The following KIF9 variants were observed in gnomAD, a reference collection of about 807,000 sequenced individuals.
KIF9 encodes the protein kinesin-like protein KIF9.
In KIF9, 68 loss-of-function variants were observed where a neutral mutation model predicts 94.8. That is an observed-to-expected ratio of 0.72 (90% CI 0.59 to 0.88). The LOEUF is 0.88. KIF9 is among the 40% of genes least tolerant of loss of function. KIF9 has a pLI of 0.00. For missense variants in KIF9, 882 were observed against 982.5 expected, an observed-to-expected ratio of 0.90 and a Z score of 1.37; for synonymous variants, 343 against 362.1, an observed-to-expected ratio of 0.95 and a Z score of 0.60.
chr3:47,229,432 C>A (rs970925155), intron 20 of KIF9, among the ~76,000 whole-genome samples: 6 of 152,168 alleles, frequency 3.9e-5, no homozygotes, highest in Non-Finnish European at 5.9e-5. Flanking sequence ...AATACACACA[C>A]AAACACACAC....
rs1698331318 is a variant in KIF9, at chr3:47,228,721, G to C, written c.2323-19C>G. The C allele has an allele frequency of 6.2e-7, 1 of 1,610,048 alleles. No homozygotes were observed. Among genetic ancestry groups the C allele is most frequent in the African/African-American group, 1.3e-5 (1 of 74,858 alleles). On this transcript the variant is annotated intron_variant, in intron 20 of 20. Transcript: ENST00000684063. ...AATTATGCTGGACACAGAGGGAAGA[G>C]AAAACAGGAACTTATTAGGAGGGAC...
At chr3:47,241,832 C>T (rs1203057388) in intron 16 of KIF9, among the ~76,000 whole-genome samples, 9 of 138,074 alleles carry the variant, frequency 6.5e-5, no homozygotes, top group Non-Finnish European at 1.2e-4. Flanking sequence ...TATACACACA[C>T]ACATATATAA....
rs554845684 is a variant in KIF9, at chr3:47,262,213, A to G, written c.981+2073T>C. Among the ~76,000 whole-genome samples, 26 of 151,754 alleles carry G rather than the reference A, an allele frequency of 1.7e-4. No individual in the cohort carries two copies. In the South Asian group the frequency reaches 5.0e-3, roughly 29 times the overall value. On this transcript the variant is annotated intron_variant, in intron 9 of 20. Coordinates refer to ENST00000684063, the MANE Select transcript of KIF9 (RefSeq NM_182902.4). ...GTCTTGGAGGGCATCTTTGTTAACA[A>G]GGCAGCCAGGAGGCCCATTTCTTAT...
At chr3:47,275,637 C>T in intron 2 of KIF9, 147 bp from the exon 3 acceptor site, 1 of 633,984 alleles carries the variant, frequency 1.6e-6, no homozygotes, top group Non-Finnish European at 2.7e-6. Context: ...GGCTGATATT[C>T]CAGATGAATT....
At chr3:47,239,846 C>A in intron 17 of KIF9, 1 of 1,367,844 alleles carries the variant, frequency 7.3e-7, no homozygotes, top group African/African-American at 1.5e-5. Flanking sequence ...GGAGATCACT[C>A]ATGGAAGCTG....
Position 47,265,717 on chromosome 3 carries a change from T to G in KIF9, c.916+13A>C. Reference sequence around the variant, plus strand: ...CAGACCCTCCTCCCTGGGCAGCAACTGTACCCCCTCACCTAACGAGTCCTT... The same window carrying G: ...CAGACCCTCCTCCCTGGGCAGCAACGGTACCCCCTCACCTAACGAGTCCTT... On this transcript the variant is annotated intron_variant, in intron 8 of 20. Transcript: ENST00000684063. 1.2e-6 allele frequency: 2 copies of G among 1,613,362 alleles called. No individual in the cohort carries two copies. Among genetic ancestry groups the G allele is most frequent in the Middle Eastern group, 1.7e-4 (1 of 6,044 alleles).
At chr3:47,260,796 A>G (rs140571469) in intron 9 of KIF9, among the ~76,000 whole-genome samples, 149 of 152,324 alleles carry the variant, frequency 9.8e-4, no homozygotes, top group African/African-American at 3.4e-3. Flanking sequence ...AACCCATCCT[A>G]GTGCCTGGGT....
At chr3:47,240,146 G>A in intron 17 of KIF9, 1 of 312,296 alleles carries the variant, frequency 3.2e-6, no homozygotes, top group Non-Finnish European at 6.3e-6. Flanking sequence ...CAGTGCAGGT[G>A]TGGGCGGCGC....
At chr3:47,241,906 A>G (rs931669690) in intron 16 of KIF9, among the ~76,000 whole-genome samples, 6 of 133,006 alleles carry the variant, frequency 4.5e-5, no homozygotes, top group East Asian at 2.1e-4. Flanking sequence ...TTTTCTTTGG[A>G]GACAGCATGC....
intron 13 of KIF9, 67 bp downstream of exon 13, chr3:47,246,130 G>A: frequency 7.0e-7 from 1 of 1,425,152 alleles, no homozygotes; most frequent in Non-Finnish European, 9.9e-7. Flanking sequence ...GGAGGCAAGT[G>A]CCCAGATGGC....
At chr3:47,266,142 A>G (rs758330765) in intron 7 of KIF9, 1 of 380,522 alleles carries the variant, frequency 2.6e-6, no homozygotes, top group Non-Finnish European at 4.8e-6. Flanking sequence ...TCATATGGAC[A>G]TTCACTCAAA....
rs189827330 is a variant in KIF9 at position 47,257,922 on chromosome 3, C to T, written c.982-362G>A. Among the ~76,000 whole-genome samples the T allele has an allele frequency of 7.7e-4, 117 of 152,314 alleles. 2 individuals carry two copies. The highest frequency in any genetic ancestry group is 2.6e-3 in the African/African-American group (109 of 41,562). On this transcript the variant is annotated intron_variant, in intron 9 of 20. Transcript: ENST00000684063. ...TCCTCCTATGCTGTCTGCCTTCCTGCGTTCCACTCTCTCTCCAAGGCTCAG... is the reference window on the plus strand; with the variant it reads ...TCCTCCTATGCTGTCTGCCTTCCTGTGTTCCACTCTCTCTCCAAGGCTCAG...
At chr3:47,276,734 T>C (rs1282485480) in intron 2 of KIF9, among the ~76,000 whole-genome samples, 2 of 152,190 alleles carry the variant, frequency 1.3e-5, no homozygotes, top group Non-Finnish European at 2.9e-5. Flanking sequence ...TGCCCTTGAA[T>C]TTTTCCTTTG....
At chr3:47,234,119 G>C (rs1329518542) in intron 20 of KIF9, among the ~76,000 whole-genome samples, 1 of 152,028 alleles carries the variant, frequency 6.6e-6, no homozygotes, top group Non-Finnish European at 1.5e-5. Flanking sequence ...GAAAACTGAG[G>C]GGAACACTAG....
intron 10 of KIF9, among the ~76,000 whole-genome samples, chr3:47,256,279 G>T (rs371228852): frequency 6.6e-6 from 1 of 151,182 alleles, no homozygotes; most frequent in African/African-American, 2.4e-5. Context: ...AGTGAGGAGC[G>T]TCTCTGCCCG....
intron 4 of KIF9, among the ~76,000 whole-genome samples, chr3:47,272,105 G>A (rs1701686354): frequency 6.6e-6 from 1 of 152,100 alleles, no homozygotes; most frequent in South Asian, 2.1e-4. Flanking sequence ...GGGTGACAGT[G>A]AGACTCCATC....
At chr3:47,230,966 G>T (rs191577718) in intron 20 of KIF9, among the ~76,000 whole-genome samples, 1 of 152,256 alleles carries the variant, frequency 6.6e-6, no homozygotes, top group East Asian at 1.9e-4. Flanking sequence ...TACAACCCAG[G>T]GGGCAGAGGC....
chr3:47,251,076 G>A (rs1357427751), intron 10 of KIF9, among the ~76,000 whole-genome samples: 1 of 152,236 alleles, frequency 6.6e-6, no homozygotes, highest in Non-Finnish European at 1.5e-5. Flanking sequence ...CTTCAGGTGT[G>A]GACTTCCTGT....
At chr3:47,248,741 C>T (rs552925456) in intron 10 of KIF9, among the ~76,000 whole-genome samples, 1 of 152,292 alleles carries the variant, frequency 6.6e-6, no homozygotes, top group Non-Finnish European at 1.5e-5. Context: ...CCATACCCAG[C>T]ACCAGAATGC....
Sources: gnomAD v4.1 joint callset for allele counts (sites outside exome capture counted in the v4.1 genomes callset) on GRCh38, gnomAD v4.1.1 for gene constraint, MANE v1.5 for transcripts, NCBI Gene and HGNC (gene_info 2026-07-23, HGNC 2026-07-21) for gene names.